Variants in LRRC4C observed in about 807,000 individuals in gnomAD.
LRRC4C encodes leucine-rich repeat-containing protein 4C.
Under a neutral mutation model 33.6 loss-of-function variants are expected in LRRC4C, and 5 were observed. The ratio of observed to expected loss-of-function variants is 0.15; its 90% CI spans 0.08 to 0.31. The LOEUF is 0.31. LRRC4C is among the 10% of genes least tolerant of loss of function. The probability of loss-of-function intolerance (pLI) is 1.00; values close to 1 mark genes in which losing one functional copy is unlikely to be tolerated. For missense variants in LRRC4C, 560 were observed against 796.7 expected (o/e 0.70, Z 3.58); for synonymous variants, 329 against 302.0 (o/e 1.09, Z -0.93).
chr11:40,324,729 T>C (rs527370422), intron 3 of LRRC4C, among the ~76,000 whole-genome samples: 6 of 152,180 alleles, frequency 3.9e-5, no homozygotes, highest in Non-Finnish European at 8.8e-5. Flanking sequence ...AATACAAATA[T>C]TTACAGATTA....
intron 1 of LRRC4C, among the ~76,000 whole-genome samples, chr11:41,100,890 C>T: frequency 6.6e-6 from 1 of 152,068 alleles, no homozygotes; most frequent in Non-Finnish European, 1.5e-5. Context: ...TAAAGTTACA[C>T]ACCTACAACC....
chr11:40,565,510 C>A (rs1957720757), intron 3 of LRRC4C, among the ~76,000 whole-genome samples: 1 of 152,104 alleles, frequency 6.6e-6, no homozygotes, highest in African/African-American at 2.4e-5. Flanking sequence ...GCAATATTTT[C>A]CTTGGGGGAC....
intron 1 of LRRC4C, among the ~76,000 whole-genome samples, chr11:41,174,735 A>G (rs901939511): frequency 1.3e-5 from 2 of 151,748 alleles, no homozygotes; most frequent in Non-Finnish European, 3.0e-5. Context: ...AATATTTCAC[A>G]TGTTTATACC....
At chr11:41,279,222 A>G (rs1591140210) in intron 1 of LRRC4C, among the ~76,000 whole-genome samples, 1 of 152,082 alleles carries the variant, frequency 6.6e-6, no homozygotes, top group Admixed American at 6.6e-5. Flanking sequence ...ATGGGCATCT[A>G]GGTTGATTCC....
chr11:40,640,875 G>A (rs190997887), intron 3 of LRRC4C, among the ~76,000 whole-genome samples: 125 of 151,956 alleles, frequency 8.2e-4, no homozygotes, highest in African/African-American at 2.9e-3. Context: ...AATCAGCCGG[G>A]CGTGGTGGCG....
chr11:41,119,251 T>C (rs550296125), intron 1 of LRRC4C, among the ~76,000 whole-genome samples: 2 of 152,270 alleles, frequency 1.3e-5, no homozygotes, highest in East Asian at 3.9e-4. Flanking sequence ...ATTTTCATTT[T>C]CCAGTATGTG....
chr11:41,055,785 G>A lies in LRRC4C; in HGVS notation c.-495-122062C>T, dbSNP rs773499980. Among the ~76,000 whole-genome samples, 11 of 152,248 alleles carry A rather than the reference G, an allele frequency of 7.2e-5. No individual in the cohort carries two copies. The South Asian group carries it at 1.2e-3, about 17-fold the overall frequency. On this transcript the variant is annotated intron_variant, in intron 1 of 6. Transcript: ENST00000528697. The stretch of plus-strand genomic sequence containing the variant: ...GAATAGAAGATCTAGTTATGTGGCA[G>A]TAGGAAAATTACTTAACTCTCTAGT...
intron 1 of LRRC4C, among the ~76,000 whole-genome samples, chr11:41,406,744 A>G (rs1452880472): frequency 2.0e-5 from 3 of 149,766 alleles, no homozygotes; most frequent in African/African-American, 7.5e-5. Context: ...ACACACACAC[A>G]CACACACGCA....
At chr11:41,019,423 A>G (rs183523649) in intron 1 of LRRC4C, among the ~76,000 whole-genome samples, 335 of 152,188 alleles carry the variant, frequency 2.2e-3, no homozygotes, top group African/African-American at 7.9e-3. Flanking sequence ...TCTATCATTG[A>G]TGGGCATTTG....
intron 5 of LRRC4C, among the ~76,000 whole-genome samples, chr11:40,205,560 A>G (rs1425144348): frequency 1.3e-5 from 2 of 151,852 alleles, no homozygotes; most frequent in African/African-American, 4.8e-5. Context: ...TAAAAATTCT[A>G]TTTTTCTCCT....
chr11:40,261,774 C>T (rs777615840), intron 4 of LRRC4C, among the ~76,000 whole-genome samples: 21 of 152,170 alleles, frequency 1.4e-4, no homozygotes, highest in Non-Finnish European at 1.8e-4. Flanking sequence ...GTTGGGAGAA[C>T]TGGCTAGCCA....
chr11:41,240,109 G>C (rs1475381272), intron 1 of LRRC4C, among the ~76,000 whole-genome samples: 2 of 152,128 alleles, frequency 1.3e-5, no homozygotes, highest in African/African-American at 4.8e-5. Context: ...ACAAACTCCA[G>C]CTTCAAAAGT....
intron 1 of LRRC4C, among the ~76,000 whole-genome samples, chr11:41,433,027 A>C (rs1021154158): frequency 6.6e-6 from 1 of 152,146 alleles, no homozygotes; most frequent in Non-Finnish European, 1.5e-5. Context: ...GAGGGATTCT[A>C]CAGAAGGTCA....
chr11:41,072,407 T>C (rs1938769298), intron 1 of LRRC4C, among the ~76,000 whole-genome samples: 1 of 151,998 alleles, frequency 6.6e-6, no homozygotes, highest in Non-Finnish European at 1.5e-5. Flanking sequence ...GAGCAGAGCT[T>C]GGTGAGAGAT....
At chr11:40,751,245 A>G (rs564839472) in intron 2 of LRRC4C, among the ~76,000 whole-genome samples, 2 of 152,266 alleles carry the variant, frequency 1.3e-5, no homozygotes, top group South Asian at 2.1e-4. Flanking sequence ...CTGATTCTAC[A>G]TCGTACTTGA....
chr11:40,752,166 C>A (rs538565587), intron 2 of LRRC4C, among the ~76,000 whole-genome samples: 2 of 151,902 alleles, frequency 1.3e-5, no homozygotes, highest in African/African-American at 2.4e-5. Flanking sequence ...GCAAATATAG[C>A]GAAAACACTT....
intron 6 of LRRC4C, among the ~76,000 whole-genome samples, chr11:40,119,590 G>C (rs1407075911): frequency 6.6e-6 from 1 of 152,076 alleles, no homozygotes; most frequent in Non-Finnish European, 1.5e-5. Flanking sequence ...AAAAGATATT[G>C]AAAAATGTAT....
At chr11:41,450,671 A>G (rs1955989251) in intron 1 of LRRC4C, among the ~76,000 whole-genome samples, 1 of 152,138 alleles carries the variant, frequency 6.6e-6, no homozygotes, top group African/African-American at 2.4e-5. Flanking sequence ...CATCTGAAAT[A>G]CCATAGAATT....
chr11:40,181,350 T>C (rs182629326), intron 5 of LRRC4C, among the ~76,000 whole-genome samples: 1 of 152,348 alleles, frequency 6.6e-6, no homozygotes, highest in African/African-American at 2.4e-5. Flanking sequence ...TTTCCTCCTT[T>C]GTCTCCAGTG....
Sources: allele counts gnomAD v4.1 joint callset (sites outside exome capture counted in the v4.1 genomes callset), GRCh38; gene constraint gnomAD v4.1.1; transcripts MANE v1.5; gene names NCBI Gene and HGNC (gene_info 2026-07-23, HGNC 2026-07-21).